SYN2: variants seen among roughly 807,000 people sequenced by gnomAD.
SYN2 encodes synapsin II, also known as synapsin-2.
A neutral mutation model predicts 50.9 loss-of-function variants in SYN2; 19 were observed. The ratio of observed to expected loss-of-function variants is 0.37; its 90% CI spans 0.26 to 0.55. The LOEUF is 0.55. Among genes scored for constraint, SYN2 ranks in the 20% least tolerant of loss-of-function variants. The probability of loss-of-function intolerance (pLI) is 0.81; values close to 1 mark genes in which losing one functional copy is unlikely to be tolerated. For missense variants in SYN2, 587 were observed against 576.4 expected, an observed-to-expected ratio of 1.02 and a Z score of -0.19; for synonymous variants, 255 against 224.9, an observed-to-expected ratio of 1.13 and a Z score of -1.20.
At position 12,156,847 on chromosome 3, in the gene SYN2, T is replaced by A. The variant is rs192507347; in HGVS notation, c.775-4699T>A. On this transcript the variant is annotated intron_variant, in intron 5 of 12. Transcript: ENST00000621198. ...GTCAAGAGATACTGCTTCTGGCTGT[T>A]GGCTTCTAGTTTCACACCACAGAGG... The A allele has an allele frequency of 1.6e-5, 26 of 1,614,222 alleles. 1 individual carries two copies. In the East Asian group the frequency reaches 5.8e-4, roughly 36 times the overall value.
intron 4 of SYN2, among the ~76,000 whole-genome samples, chr3:12,147,348 A>T (rs1188607545): frequency 1.3e-5 from 2 of 152,156 alleles, no homozygotes; most frequent in Non-Finnish European, 2.9e-5. Flanking sequence ...TCAATGGACA[A>T]GTAGTCAGGA....
intron 1 of SYN2, among the ~76,000 whole-genome samples, chr3:12,046,747 T>C (rs976664756): frequency 6.6e-6 from 1 of 152,082 alleles, no homozygotes; most frequent in Non-Finnish European, 1.5e-5. Flanking sequence ...ATAAGAAATA[T>C]TTAATAGATC....
At chr3:12,086,978 C>A (rs1394686309) in intron 1 of SYN2, among the ~76,000 whole-genome samples, 4 of 152,076 alleles carry the variant, frequency 2.6e-5, no homozygotes, top group Non-Finnish European at 1.5e-5. Flanking sequence ...CACCAAAAAA[C>A]TATTCGAACT....
chr3:12,045,102 G>C (rs1245069641), intron 1 of SYN2, among the ~76,000 whole-genome samples: 2 of 152,144 alleles, frequency 1.3e-5, no homozygotes, highest in African/African-American at 2.4e-5. Flanking sequence ...CAGGCATCTA[G>C]TAATCTAGTT....
At chr3:12,130,027 C>T (rs1258234049) in intron 1 of SYN2, among the ~76,000 whole-genome samples, 1 of 152,108 alleles carries the variant, frequency 6.6e-6, no homozygotes, top group African/African-American at 2.4e-5. Context: ...TCACCAGGAA[C>T]TGAATCTGCT....
intron 1 of SYN2, among the ~76,000 whole-genome samples, chr3:12,090,952 A>G (rs1183552563): frequency 6.6e-6 from 1 of 152,220 alleles, no homozygotes; most frequent in African/African-American, 2.4e-5. Flanking sequence ...ATTCTATTCC[A>G]TAATATTGTG....
At chr3:12,153,749 G>A (rs1234039802) in intron 5 of SYN2, 2 of 1,607,448 alleles carry the variant, frequency 1.2e-6, no homozygotes, top group Admixed American at 1.7e-5. Context: ...AGTGAGTAGG[G>A]TGTCCTTCTT....
At chr3:12,179,008 C>T (rs1182547899) in intron 10 of SYN2, among the ~76,000 whole-genome samples, 3 of 152,168 alleles carry the variant, frequency 2.0e-5, no homozygotes, top group African/African-American at 7.2e-5. Context: ...ATGGAATGAG[C>T]TGGGCATTTG....
intron 10 of SYN2, among the ~76,000 whole-genome samples, chr3:12,178,037 C>T (rs1698124123): frequency 6.6e-6 from 1 of 152,206 alleles, no homozygotes; most frequent in African/African-American, 2.4e-5. Flanking sequence ...CCAGAAAGAT[C>T]CCAAGGTGCC....
intron 1 of SYN2, among the ~76,000 whole-genome samples, chr3:12,020,719 G>A (rs1482336507): frequency 6.6e-6 from 1 of 151,870 alleles, no homozygotes; most frequent in East Asian, 1.9e-4. Flanking sequence ...TCCCCTTCTT[G>A]GGGGTATTTA....
intron 1 of SYN2, among the ~76,000 whole-genome samples, chr3:12,047,329 G>A (rs1428315303): frequency 2.0e-5 from 3 of 146,508 alleles, no homozygotes; most frequent in East Asian, 4.1e-4. Flanking sequence ...GGGAAGTTGA[G>A]GATGTATCCA....
chr3:12,064,224 C>A (rs986014262), intron 1 of SYN2, among the ~76,000 whole-genome samples: 2 of 151,800 alleles, frequency 1.3e-5, no homozygotes, highest in African/African-American at 4.8e-5. Context: ...TTAAAACTGT[C>A]AAAATTATCA....
At chr3:12,119,997 AT>A (rs1696517617) in intron 1 of SYN2, among the ~76,000 whole-genome samples, 2 of 152,302 alleles carry the variant, frequency 1.3e-5, no homozygotes, top group East Asian at 3.9e-4. Flanking sequence ...TTTAAAAAAC[AT>A]CTGAATTTTT....
At chr3:12,113,547 C>T (rs888020699) in intron 1 of SYN2, among the ~76,000 whole-genome samples, 5 of 152,130 alleles carry the variant, frequency 3.3e-5, no homozygotes, top group African/African-American at 1.2e-4. Context: ...GTACAATCCT[C>T]ACCACTATCT....
intron 5 of SYN2, chr3:12,159,358 C>G (rs1249930703): frequency 6.5e-6 from 1 of 154,484 alleles, no homozygotes; most frequent in East Asian, 1.9e-4. Context: ...GAGCTGCACG[C>G]TGGGAATGAG....
At chr3:12,005,145 C>A (rs999838396) in intron 1 of SYN2, among the ~76,000 whole-genome samples, 3 of 152,276 alleles carry the variant, frequency 2.0e-5, no homozygotes, top group African/African-American at 7.2e-5. Context: ...AGCTAAAATA[C>A]CCCTCAATTG....
intron 1 of SYN2, among the ~76,000 whole-genome samples, chr3:12,081,479 CT>C (rs368214744): frequency 6.1e-4 from 91 of 148,552 alleles, no homozygotes; most frequent in African/African-American, 1.4e-3. Context: ...CCTTAATTTA[CT>C]TTTTTTTTTG....
At chr3:12,158,332 G>GA (rs1020712985) in intron 5 of SYN2, among the ~76,000 whole-genome samples, 1 of 152,210 alleles carries the variant, frequency 6.6e-6, no homozygotes, top group Non-Finnish European at 1.5e-5. Context: ...GGCCTGGACA[G>GA]ACACGGGTAG....
chr3:12,110,220 CTCT>C (rs1028270873), intron 1 of SYN2, among the ~76,000 whole-genome samples: 50 of 152,290 alleles, frequency 3.3e-4, no homozygotes, highest in African/African-American at 1.1e-3. Context: ...GTAATACTTA[CTCT>C]TAAAACTCCA....
Sources: gnomAD v4.1 joint callset for allele counts (sites outside exome capture counted in the v4.1 genomes callset) on GRCh38, gnomAD v4.1.1 for gene constraint, MANE v1.5 for transcripts, NCBI Gene and HGNC (gene_info 2026-07-23, HGNC 2026-07-21) for gene names.